Variants in SCNN1B observed in about 807,000 individuals in gnomAD.
The protein encoded by SCNN1B is sodium channel epithelial 1 subunit beta, also known as epithelial sodium channel subunit beta.
In SCNN1B, 46 loss-of-function variants were observed where a neutral mutation model predicts 65.3. That is an observed-to-expected ratio of 0.70 (90% confidence interval 0.56 to 0.90). SCNN1B has a LOEUF of 0.90. Ranked by LOEUF, SCNN1B falls within the 40% of genes least tolerant of loss-of-function variation. The pLI, the probability that SCNN1B is intolerant of heterozygous loss-of-function variation, is 0.00. For synonymous variants in SCNN1B, 349 were observed against 330.6 expected (o/e 1.06, Z -0.60); for missense variants, 751 against 830.5 (o/e 0.90, Z 1.18).
chr16:23,289,841 A>G (rs1439705413), intron 2 of SCNN1B, among the ~76,000 whole-genome samples: 3 of 151,560 alleles, frequency 2.0e-5, no homozygotes, highest in Non-Finnish European at 4.4e-5. Context: ...ACGCCTGGTT[A>G]ATTTTTGTAT....
Position 23,375,769 on chromosome 16 carries a change from T to A in SCNN1B, c.1184T>A (p.Met395Lys), listed in dbSNP as rs778645725. 1.2e-6 allele frequency: 2 copies of A among 1,614,086 alleles called. No individual in the cohort carries two copies. Among genetic ancestry groups the A allele is most frequent in the Admixed American group, 3.3e-5 (2 of 60,014 alleles). The part of the protein sequence containing the change: ...ACLRSCFQDH[M>K]IRNCNCGHYL... ...CTTCGCTCCTGCTTCCAAGACCACA[T>A]GATCCGTAACTGCAACTGTGGCCAC... Residue 395 changes from methionine (M) to lysine (K), a missense_variant, in exon 8 of 13, where the codon ATG becomes AAG. Coordinates refer to ENST00000343070, the MANE Select transcript of SCNN1B (RefSeq NM_000336.3).
At chr16:23,289,910 A>G (rs1159555313) in intron 2 of SCNN1B, among the ~76,000 whole-genome samples, 1 of 152,070 alleles carries the variant, frequency 6.6e-6, no homozygotes, top group Non-Finnish European at 1.5e-5. Context: ...TCCTGATCTC[A>G]AATGATCCAC....
intron 2 of SCNN1B, among the ~76,000 whole-genome samples, chr16:23,296,316 G>A (rs927688996): frequency 6.6e-6 from 1 of 152,102 alleles, no homozygotes; most frequent in Non-Finnish European, 1.5e-5. Flanking sequence ...TCTCCTGACT[G>A]CTTATTTTCC....
intron 1 of SCNN1B, among the ~76,000 whole-genome samples, chr16:23,315,941 C>T (rs1450318173): frequency 1.3e-5 from 2 of 151,960 alleles, no homozygotes; most frequent in East Asian, 3.9e-4. Context: ...GTCACCATCA[C>T]CACCATTCCC....
At chr16:23,377,134 C>G (rs1477205688) in intron 8 of SCNN1B, 31 bp from the exon 9 acceptor site, 8 of 1,606,914 alleles carry the variant, frequency 5.0e-6, no homozygotes, top group African/African-American at 1.3e-5. Context: ...CCCCCTTAAA[C>G]CTCTTGGCCG....
chr16:23,295,778 C>G (rs372916616), intron 2 of SCNN1B, among the ~76,000 whole-genome samples: 4 of 152,128 alleles, frequency 2.6e-5, no homozygotes, highest in Non-Finnish European at 4.4e-5. Flanking sequence ...AGTGTTAGAG[C>G]CTTTTAAAGT....
intron 4 of SCNN1B, among the ~76,000 whole-genome samples, chr16:23,360,671 C>G (rs1178387208): frequency 6.1e-5 from 9 of 146,958 alleles, no homozygotes; most frequent in Non-Finnish European, 8.9e-5. Context: ...TCTCCACTCA[C>G]TGCAACCTCT....
In SCNN1B at chr16:23,380,052, G is replaced by A. The variant is rs1963006916; in HGVS notation, c.1467-42G>A. 1 of 1,448,028 alleles carries A rather than the reference G, an allele frequency of 6.9e-7. No homozygotes were observed. Among genetic ancestry groups the A allele is most frequent in the Admixed American group, 1.7e-5 (1 of 59,766 alleles). The allele number at this position is 1,448,028 out of a possible 1,614,324, so 89.7% of individuals were successfully genotyped here. A position where few individuals can be genotyped will look rare whatever the true frequency, so the allele number is the denominator to read the frequency against. ...TGTGTGTGTGTCTGTCTGTTTGGAA[G>A]GGGGATACATTAGTCCCGGCCCTTC... On this transcript the variant is annotated intron_variant, in intron 11 of 12. Coordinates refer to ENST00000343070, the MANE Select transcript of SCNN1B (RefSeq NM_000336.3). This position sits in a 1 kb window ranked among gnomAD's most constrained non-coding sequence, Gnocchi z 5.4.
intron 1 of SCNN1B, among the ~76,000 whole-genome samples, chr16:23,341,812 C>CT (rs945032013): frequency 2.0e-5 from 3 of 152,120 alleles, no homozygotes; most frequent in Non-Finnish European, 4.4e-5. Flanking sequence ...GCTGTAATAA[C>CT]TTTTTAAAAT....
intron 1 of SCNN1B, among the ~76,000 whole-genome samples, chr16:23,311,779 T>G (rs1037452602): frequency 6.6e-6 from 1 of 152,026 alleles, no homozygotes; most frequent in Non-Finnish European, 1.5e-5. Context: ...TGTGAAAAGT[T>G]TAGAAACATG....
At chr16:23,351,254 T>C (rs1962302898) in intron 2 of SCNN1B, among the ~76,000 whole-genome samples, 2 of 152,222 alleles carry the variant, frequency 1.3e-5, no homozygotes, top group Non-Finnish European at 2.9e-5. Flanking sequence ...TCCATGCATT[T>C]TATAAGCAGC....
chr16:23,293,747 G>A (rs1157480425), intron 2 of SCNN1B, among the ~76,000 whole-genome samples: 1 of 151,626 alleles, frequency 6.6e-6, no homozygotes, highest in African/African-American at 2.4e-5. Context: ...GGCAACATAG[G>A]GAGACCCCTT....
chr16:23,296,872 C>T (rs1217152461), intron 2 of SCNN1B, among the ~76,000 whole-genome samples: 1 of 151,440 alleles, frequency 6.6e-6, no homozygotes, highest in African/African-American at 2.4e-5. Flanking sequence ...TGGTGAGGCG[C>T]ACAACTCAGG....
intron 1 of SCNN1B, among the ~76,000 whole-genome samples, chr16:23,306,298 A>G (rs1161295282): frequency 1.3e-5 from 2 of 151,896 alleles, no homozygotes; most frequent in East Asian, 3.9e-4. Flanking sequence ...TTGTGACTCC[A>G]TTTCCTTATG....
chr16:23,338,683 G>T (rs1961992739), intron 1 of SCNN1B, among the ~76,000 whole-genome samples: 1 of 152,148 alleles, frequency 6.6e-6, no homozygotes. Context: ...GAAGAATTGG[G>T]GTGAGCTGGG....
chr16:23,326,275 A>G (rs1961695086), intron 1 of SCNN1B, among the ~76,000 whole-genome samples: 1 of 151,640 alleles, frequency 6.6e-6, no homozygotes, highest in East Asian at 1.9e-4. Context: ...TACTTTTATG[A>G]TGCAAGCAAT....
chr16:23,364,441 A>G (rs376081242), intron 4 of SCNN1B, among the ~76,000 whole-genome samples: 1 of 152,194 alleles, frequency 6.6e-6, no homozygotes, highest in Non-Finnish European at 1.5e-5. Flanking sequence ...GCTGGAGTGT[A>G]GGGAATGAGA....
chr16:23,379,378 GC>G (rs956800518), intron 11 of SCNN1B, among the ~76,000 whole-genome samples: 2 of 152,140 alleles, frequency 1.3e-5, no homozygotes, highest in South Asian at 2.1e-4. Flanking sequence ...GTCTGTACAA[GC>G]CCCCTACTCT....
At chr16:23,350,683 C>T (rs147458756) in intron 2 of SCNN1B, among the ~76,000 whole-genome samples, 6 of 152,176 alleles carry the variant, frequency 3.9e-5, no homozygotes, top group South Asian at 2.1e-4. Context: ...GAGGCCAAAG[C>T]GAGTGGATTA....
Sources: gnomAD v4.1 joint callset for allele counts (sites outside exome capture counted in the v4.1 genomes callset) on GRCh38, gnomAD v4.1.1 for gene constraint, Gnocchi (gnomAD v3.1) non-coding constraint, MANE v1.5 for transcripts, NCBI Gene and HGNC (gene_info 2026-07-23, HGNC 2026-07-21) for gene names.